The following SULT2B1 variants were observed in gnomAD, a reference collection of about 807,000 sequenced individuals.
SULT2B1 encodes the protein sulfotransferase family 2B member 1.
SULT2B1 carries 16 observed loss-of-function variants against 33.2 expected under a neutral mutation model. The ratio of observed to expected loss-of-function variants is 0.48; its 90% confidence interval spans 0.33 to 0.73. SULT2B1 has a LOEUF of 0.73. Ranked by LOEUF, SULT2B1 falls within the 30% of genes least tolerant of loss-of-function variation. SULT2B1 has a pLI of 0.02. For missense variants in SULT2B1, 500 were observed against 506.0 expected (o/e 0.99, Z 0.11); for synonymous variants, 186 against 200.5 (o/e 0.93, Z 0.61).
chr19:48,580,612 C>A (rs1568409846), intron 2 of SULT2B1, among the ~76,000 whole-genome samples: 1 of 151,704 alleles, frequency 6.6e-6, no homozygotes, highest in Non-Finnish European at 1.5e-5. Flanking sequence ...TCCTCTATTG[C>A]CCCACATCTT....
chr19:48,582,251 C>T (rs959519295), intron 2 of SULT2B1, among the ~76,000 whole-genome samples: 4 of 152,068 alleles, frequency 2.6e-5, no homozygotes, highest in African/African-American at 4.8e-5. Flanking sequence ...TGACATTGTC[C>T]CATCTTGGAA....
At chr19:48,558,270 C>T (rs1044021649) in intron 1 of SULT2B1, among the ~76,000 whole-genome samples, 4 of 152,204 alleles carry the variant, frequency 2.6e-5, no homozygotes, top group East Asian at 3.8e-4. Context: ...GGATGGGGAA[C>T]TTGGGGATGA....
chr19:48,594,216 G>A (rs574348793), intron 5 of SULT2B1, among the ~76,000 whole-genome samples: 4 of 152,100 alleles, frequency 2.6e-5, no homozygotes, highest in African/African-American at 7.2e-5. Context: ...AGCCAAGATC[G>A]CACCATTGCA....
At chr19:48,590,235 C>T (rs1163542857) in intron 3 of SULT2B1, among the ~76,000 whole-genome samples, 1 of 152,034 alleles carries the variant, frequency 6.6e-6, no homozygotes, top group Non-Finnish European at 1.5e-5. Context: ...GTGATCCACC[C>T]GCCTTAGCCT....
At chr19:48,581,004 T>C (rs1490819154) in intron 2 of SULT2B1, among the ~76,000 whole-genome samples, 1 of 150,278 alleles carries the variant, frequency 6.7e-6, no homozygotes, top group Non-Finnish European at 1.5e-5. Flanking sequence ...TCTTTTCATG[T>C]GCTCATTAGC....
In SULT2B1 at chr19:48,587,245, C is replaced by T. The variant is rs768213131; in HGVS notation, c.231C>T (p.Ile77=). Residue 77 remains isoleucine (I), a synonymous_variant, in exon 3 of 7, where the codon ATC becomes ATT. Transcript: ENST00000201586. ...TCCCAACAGGCACGACCTGGATGATCGAGATCATCTGCTTAATCCTGAAGG... is the reference window on the plus strand; with the variant it reads ...TCCCAACAGGCACGACCTGGATGATTGAGATCATCTGCTTAATCCTGAAGG... The part of the protein sequence containing the change: ...TYPKSGTTWM[I]EIICLILKEG... 37 of 1,612,020 alleles carry T rather than the reference C, an allele frequency of 2.3e-5. No individual in the cohort carries two copies. The highest frequency in any genetic ancestry group is 3.3e-5 in the Admixed American group (2 of 59,736).
chr19:48,558,580 C>G (rs1973133922), intron 1 of SULT2B1, among the ~76,000 whole-genome samples: 1 of 152,016 alleles, frequency 6.6e-6, no homozygotes, highest in Non-Finnish European at 1.5e-5. Flanking sequence ...TTTTACAACC[C>G]CGGCCCCACC....
rs1249433762 is a variant in SULT2B1, at chr19:48,564,572, A to AG, written c.72-11369_72-11368insG. The stretch of plus-strand genomic sequence containing the variant: ...GTCTCAAAAAAAAAAAAAAAAAAAA[A>AG]AAAGAAAGAAAAAAAGAGGAACTTA... On this transcript the variant is annotated intron_variant, in intron 1 of 6. Coordinates refer to ENST00000201586, the MANE Select transcript of SULT2B1 (RefSeq NM_177973.2). 9.7e-3 allele frequency among the ~76,000 whole-genome samples: 1,418 copies of AG among 145,938 alleles called. 6 individuals carry two copies. Among genetic ancestry groups the AG allele is most frequent in the South Asian group, 0.019 (86 of 4,628 alleles).
chr19:48,569,389 T>C (rs1441356176), intron 1 of SULT2B1, among the ~76,000 whole-genome samples: 2 of 88,942 alleles, frequency 2.2e-5, no homozygotes, highest in African/African-American at 4.0e-5. Flanking sequence ...TATATATATA[T>C]ATATATATAT....
Position 48,570,388 on chromosome 19 carries a change from A to G in SULT2B1, c.72-5553A>G, listed in dbSNP as rs532248201. Among the ~76,000 whole-genome samples, 72 of 152,256 alleles carry G rather than the reference A, an allele frequency of 4.7e-4. 1 individual carries two copies. The highest frequency in any genetic ancestry group is 1.7e-3 in the African/African-American group (70 of 41,562). On this transcript the variant is annotated intron_variant, in intron 1 of 6. Transcript: ENST00000201586. The stretch of plus-strand genomic sequence containing the variant: ...GAGACGGGGTTTCGCCATGTTGGCC[A>G]GGCTGGTCTCAAACTCCTGACCTCA...
chr19:48,589,833 A>C (rs538446868), intron 3 of SULT2B1, among the ~76,000 whole-genome samples: 9 of 152,086 alleles, frequency 5.9e-5, no homozygotes, highest in Non-Finnish European at 1.2e-4. Context: ...AGTGGCATAC[A>C]CCTGTAGTCC....
Position 48,576,008 on chromosome 19 carries a change from G to A in SULT2B1, c.139G>A (p.Glu47Lys), listed in dbSNP as rs377054892. ...CTTCCCCGTCGGCCTGTACTCGCTC[G>A]AGAGCATCAGCTTGGCGGAGAACAC... ...VPFPVGLYSL[E>K]SISLAENTQD... The change falls in exon 2 of 7, where the codon GAG (glutamate) becomes AAG (lysine). Residue 47 changes from glutamate to lysine, a missense_variant. By Grantham distance (56) the Glu-to-Lys change is moderately conservative (BLOSUM62 1). Coordinates refer to ENST00000201586, the MANE Select transcript of SULT2B1 (RefSeq NM_177973.2). The A allele has an allele frequency of 6.2e-7, 1 of 1,613,976 alleles. No homozygotes were observed. The highest frequency in any genetic ancestry group is 1.7e-5 in the Admixed American group (1 of 59,982).
chr19:48,574,180 T>C (rs1210017269), intron 1 of SULT2B1, among the ~76,000 whole-genome samples: 2 of 152,104 alleles, frequency 1.3e-5, no homozygotes, highest in Non-Finnish European at 2.9e-5. Flanking sequence ...GTTTTCAAAG[T>C]ATCCACAGCA....
At chr19:48,557,955 A>T (rs747550858) in intron 1 of SULT2B1, among the ~76,000 whole-genome samples, 11 of 152,124 alleles carry the variant, frequency 7.2e-5, no homozygotes, top group Non-Finnish European at 1.6e-4. Flanking sequence ...TAAAAAAAAT[A>T]AAATCGTAAG....
At chr19:48,554,342 G>A (rs1318951277) in intron 1 of SULT2B1, among the ~76,000 whole-genome samples, 1 of 131,638 alleles carries the variant, frequency 7.6e-6, no homozygotes, top group Non-Finnish European at 1.6e-5. Context: ...GCCCATCTCA[G>A]GGATGTCCCC....
chr19:48,590,838 GTTTA>G (rs61671264), intron 3 of SULT2B1, among the ~76,000 whole-genome samples: 13,153 of 151,804 alleles, frequency 0.087, 595 homozygotes, highest in African/African-American at 0.11. Flanking sequence ...TTGTTTTTTG[GTTTA>G]TTTGTTTTTG....
Position 48,587,272 on chromosome 19 carries a change from A to C in SULT2B1, c.258A>C (p.Glu86Asp). ...AGATCATCTGCTTAATCCTGAAGGA[A>C]GGGGATCCATCCTGGATCCGCTCCG... ...MIEIICLILK[E>D]GDPSWIRSVP... The change falls in exon 3 of 7, where the codon GAA becomes GAC. Residue 86 changes from glutamate (E) to aspartate (D), a missense_variant. Glu to Asp is a conservative substitution (Grantham distance 45). Transcript: ENST00000201586. 2 of 1,613,952 alleles carry C rather than the reference A, an allele frequency of 1.2e-6. No individual in the cohort carries two copies. The highest frequency in any genetic ancestry group is 1.7e-6 in the Non-Finnish European group (2 of 1,179,974).
intron 1 of SULT2B1, among the ~76,000 whole-genome samples, chr19:48,562,483 T>C (rs968528841): frequency 1.3e-4 from 19 of 144,452 alleles, no homozygotes; most frequent in African/African-American, 3.3e-4. Flanking sequence ...CCCCGGGAGG[T>C]AGGGGTTGCA....
chr19:48,576,965 A>C (rs1973420626), intron 2 of SULT2B1, among the ~76,000 whole-genome samples: 1 of 151,026 alleles, frequency 6.6e-6, no homozygotes, highest in South Asian at 2.1e-4. Context: ...AAAGTGGTGA[A>C]TTACACACAA....
Sources: gnomAD v4.1 joint callset for allele counts (sites outside exome capture counted in the v4.1 genomes callset) on GRCh38, gnomAD v4.1.1 for gene constraint, MANE v1.5 for transcripts, NCBI Gene and HGNC (gene_info 2026-07-23, HGNC 2026-07-21) for gene names.